The following HLCS variants were observed in gnomAD, a reference collection of about 807,000 sequenced individuals.
HLCS encodes the protein biotin--protein ligase.
In HLCS, 53 loss-of-function variants were observed where a neutral mutation model predicts 75.0. The observed-to-expected ratio is 0.71, with a 90% CI of 0.57 to 0.89. HLCS has a LOEUF of 0.89. HLCS is among the 40% of genes least tolerant of loss of function. The pLI is 0.00. For missense variants in HLCS, 966 were observed against 1,074.0 expected (o/e 0.90, Z 1.41); for synonymous variants, 431 against 428.6 (o/e 1.01, Z -0.07).
intron 6 of HLCS, among the ~76,000 whole-genome samples, chr21:36,848,763 A>T (rs1210048339): frequency 6.6e-6 from 1 of 152,202 alleles, no homozygotes; most frequent in East Asian, 1.9e-4. Flanking sequence ...TTCCTATCCT[A>T]AGAGCAAATA....
intron 6 of HLCS, among the ~76,000 whole-genome samples, chr21:36,888,459 TA>T (rs2064607809): frequency 1.1e-4 from 2 of 18,928 alleles, no homozygotes; most frequent in Non-Finnish European, 2.2e-4. Flanking sequence ...TATATATATA[TA>T]TATATATATA....
At position 36,962,118 on chromosome 21, in the gene HLCS, A is replaced by C; in HGVS notation, c.248T>G (p.Leu83Arg). The C allele has an allele frequency of 7.8e-7, 1 of 1,288,946 alleles. No homozygotes were observed. Among genetic ancestry groups the C allele is most frequent in the Non-Finnish European group, 1.0e-6 (1 of 988,130 alleles). 79.8% of individuals were successfully genotyped at this position (1,288,946 alleles called of 1,614,324 possible). The change falls in exon 2 of 11, where the codon CTT becomes CGT. Residue 83 changes from leucine to arginine, a missense_variant. Physicochemically the swap from Leu to Arg is moderately radical, Grantham distance 102 (BLOSUM62 -2). Transcript: ENST00000674895. ...WALFLVSPFI[L>R]EAEHIAFVTE... The stretch of plus-strand genomic sequence containing the variant: ...CACAAATGCTATGTGTTCTGCTTCA[A>C]GTATAAAAGGAGACACAAGAAATAG...
At chr21:36,888,682 C>T (rs964416686) in intron 6 of HLCS, among the ~76,000 whole-genome samples, 42 of 151,130 alleles carry the variant, frequency 2.8e-4, no homozygotes, top group African/African-American at 8.5e-4. Flanking sequence ...CTGGCGTGGG[C>T]GCATCACCAG....
At chr21:36,979,489 T>C (rs2069047915) in intron 1 of HLCS, among the ~76,000 whole-genome samples, 2 of 152,278 alleles carry the variant, frequency 1.3e-5, no homozygotes, top group East Asian at 1.9e-4. Context: ...GAGTCTCCTA[T>C]AGGGGGGTCC....
In HLCS at chr21:36,957,207, G is replaced by A. The variant is rs186580418; in HGVS notation, c.330+4829C>T. ...AATGGGAACAGATCCCTCATGAATAGTGTGGTGCTGTCCTCCCTATAGTGA... is the reference window on the plus strand; with the variant it reads ...AATGGGAACAGATCCCTCATGAATAATGTGGTGCTGTCCTCCCTATAGTGA... On this transcript the variant is annotated intron_variant, in intron 2 of 10. Transcript: ENST00000674895. 5.9e-5 allele frequency among the ~76,000 whole-genome samples: 9 copies of A among 152,244 alleles called. 1 individual carries two copies. Among genetic ancestry groups the A allele is most frequent in the African/African-American group, 2.2e-4 (9 of 41,540 alleles).
rs373193883 is a variant in HLCS, at chr21:36,937,184, C to T, written c.702G>A (p.Gly234=). The T allele has an allele frequency of 1.2e-6, 2 of 1,614,116 alleles. No homozygotes were observed. The highest frequency in any genetic ancestry group is 2.7e-5 in the African/African-American group (2 of 75,010). The change falls in exon 4 of 11, where the codon GGG becomes GGA. Residue 234 remains glycine (G), a synonymous_variant. Coordinates refer to ENST00000674895, the MANE Select transcript of HLCS (RefSeq NM_001352514.2). ...CGGGGCCCCCTCCCCTGTCACTGTC[C>T]CCAGCAGGCTCACTCCCAGAGGCAC... ...RGSASGSEPA[G]DSDRGGGPVE... is the part of the protein sequence containing the mutation.
chr21:36,884,575 A>G (rs2064366449), intron 6 of HLCS, among the ~76,000 whole-genome samples: 1 of 152,222 alleles, frequency 6.6e-6, no homozygotes, highest in Non-Finnish European at 1.5e-5. Context: ...CTACTAAACT[A>G]AAATCAACAC....
chr21:36,937,039 TATA>T lies in HLCS; in HGVS notation c.844_846del (p.Tyr282del). 6.2e-7 allele frequency: 1 copy of T among 1,614,096 alleles called. No individual in the cohort carries two copies. Among genetic ancestry groups the T allele is most frequent in the Non-Finnish European group, 8.5e-7 (1 of 1,180,010 alleles). On this transcript the variant is annotated inframe_deletion, in exon 4 of 11. Coordinates refer to ENST00000674895, the MANE Select transcript of HLCS (RefSeq NM_001352514.2). ...TCAGCAACACTCTCCAAACTGCTGC[TATA>T]ATCGTAGGGAAGGTCTGGAATGTTC... is the stretch of plus-strand genomic sequence containing the variant.
At chr21:36,876,277 G>A (rs151322066) in intron 6 of HLCS, among the ~76,000 whole-genome samples, 2 of 152,146 alleles carry the variant, frequency 1.3e-5, no homozygotes, top group African/African-American at 4.8e-5. Context: ...CAGCCACAGA[G>A]GTTTCTGGCT....
In HLCS at chr21:36,830,804, AGAGT is replaced by A. The variant is rs1336690824; in HGVS notation, c.1893-63523_1893-63520del. Among the ~76,000 whole-genome samples, 3 of 143,388 alleles carry A rather than the reference AGAGT, an allele frequency of 2.1e-5. No individual in the cohort carries two copies. In the Admixed American group the frequency reaches 2.2e-4, roughly 10 times the overall value. 94.1% of individuals were successfully genotyped at this position (143,388 alleles called of 152,430 possible). A position where few individuals can be genotyped will look rare whatever the true frequency, so the allele number is the denominator to read the frequency against. On this transcript the variant is annotated intron_variant, in intron 6 of 10. Coordinates refer to ENST00000674895, the MANE Select transcript of HLCS (RefSeq NM_001352514.2). ...GCCACTGTACTCCAGCCTGGGCAAC[AGAGT>A]GAGACCCTCTCTCAAAAAAAAAAAA...
rs146927833 is a variant in HLCS, at chr21:36,885,334, C to G, written c.1892+11526G>C. Among the ~76,000 whole-genome samples the G allele has an allele frequency of 6.9e-3, 1,043 of 151,950 alleles. 14 individuals are homozygous for G. The highest frequency in any genetic ancestry group is 0.023 in the African/African-American group (966 of 41,458). On this transcript the variant is annotated intron_variant, in intron 6 of 10. Transcript: ENST00000674895. The stretch of plus-strand genomic sequence containing the variant: ...CCAACCTGGGTAACATAGTGGGACC[C>G]CTGTCTCTACAAAAAATTTAAAAAT...
chr21:36,814,820 T>C (rs2061612452), intron 6 of HLCS, among the ~76,000 whole-genome samples: 2 of 152,194 alleles, frequency 1.3e-5, no homozygotes, highest in Non-Finnish European at 2.9e-5. Flanking sequence ...GCAATGCTGA[T>C]ACTGCTGGTT....
chr21:36,918,707 G>C (rs982692045), intron 5 of HLCS, among the ~76,000 whole-genome samples: 1 of 152,138 alleles, frequency 6.6e-6, no homozygotes, highest in South Asian at 2.1e-4. Context: ...CAACATTCAG[G>C]GTTCTTCTGC....
chr21:36,860,509 T>C (rs1236699003), intron 6 of HLCS, among the ~76,000 whole-genome samples: 2 of 152,256 alleles, frequency 1.3e-5, no homozygotes, highest in Admixed American at 6.5e-5. Flanking sequence ...TTTGGAGATG[T>C]TCAAATTTTA....
intron 6 of HLCS, among the ~76,000 whole-genome samples, chr21:36,800,504 T>C (rs1189670636): frequency 6.6e-6 from 1 of 152,170 alleles, no homozygotes; most frequent in African/African-American, 2.4e-5. Context: ...TGGCAGTTTA[T>C]GGGAAATTAT....
At chr21:36,957,621 G>A (rs1015198803) in intron 2 of HLCS, among the ~76,000 whole-genome samples, 5 of 152,060 alleles carry the variant, frequency 3.3e-5, no homozygotes, top group East Asian at 1.9e-4. Context: ...TTTATGAATC[G>A]TCTTTTCTGC....
intron 5 of HLCS, among the ~76,000 whole-genome samples, chr21:36,927,961 T>C (rs1261862423): frequency 1.3e-5 from 2 of 152,088 alleles, no homozygotes; most frequent in Non-Finnish European, 2.9e-5. Flanking sequence ...ATCCTCTCCA[T>C]GGAACTTAAT....
At chr21:36,755,089 T>C (rs2089509211) in intron 10 of HLCS, among the ~76,000 whole-genome samples, 1 of 152,082 alleles carries the variant, frequency 6.6e-6, no homozygotes, top group South Asian at 2.1e-4. Flanking sequence ...CATTTTTTTT[T>C]CCTGCAACAT....
At chr21:36,819,848 A>G (rs1396935107) in intron 6 of HLCS, among the ~76,000 whole-genome samples, 1 of 152,236 alleles carries the variant, frequency 6.6e-6, no homozygotes, top group Non-Finnish European at 1.5e-5. Context: ...TATCTAAAAG[A>G]AAGAAAAATA....
Sources: allele counts gnomAD v4.1 joint callset (sites outside exome capture counted in the v4.1 genomes callset), GRCh38; gene constraint gnomAD v4.1.1; transcripts MANE v1.5; gene names NCBI Gene and HGNC (gene_info 2026-07-23, HGNC 2026-07-21).